The following NUAK2 variants were observed in gnomAD, a reference collection of about 807,000 sequenced individuals.
NUAK2 encodes the protein NUAK family kinase 2, also known as NUAK family SNF1-like kinase 2.
Under a neutral mutation model 29.8 loss-of-function variants are expected in NUAK2, and 20 were observed. That is an observed-to-expected ratio of 0.67 (90% confidence interval 0.47 to 0.98). The LOEUF (loss-of-function observed/expected upper bound fraction) is 0.98. Ranked by LOEUF, NUAK2 falls within the 50% of genes least tolerant of loss-of-function variation. The pLI is 0.00. For missense variants in NUAK2, 719 were observed against 834.5 expected, an observed-to-expected ratio of 0.86 and a Z score of 1.71; for synonymous variants, 331 against 342.6, an observed-to-expected ratio of 0.97 and a Z score of 0.37.
Position 205,303,795 on chromosome 1 carries a change from C to A in NUAK2, c.1542G>T (p.Glu514Asp). The A allele has an allele frequency of 6.3e-7, 1 of 1,582,108 alleles. No individual in the cohort carries two copies. The highest frequency in any genetic ancestry group is 8.6e-7 in the Non-Finnish European group (1 of 1,164,042). Residue 514 changes from glutamate to aspartate, a missense_variant, in exon 7 of 7, where the codon GAG (glutamate) becomes GAT (aspartate). This residue lies in a region of NUAK2 where 430 missense variants were observed against 465.7 expected (regional missense o/e 0.92). Transcript: ENST00000367157. ...AGCCGAAGGTGGTGGGGGCCGCGAG[C>A]TCCAAGGCTGTCTGGGAGAACTTGC... Reference protein sequence around the residue: ...LNGKFSQTALELAAPTTFGSL... With the variant: ...LNGKFSQTALDLAAPTTFGSL...
rs775339532 is a variant in NUAK2 at position 205,303,641 on chromosome 1, G to A, written c.1696C>T (p.Pro566Ser). The change falls in exon 7 of 7, where the codon CCC (proline) becomes TCC (serine). Residue 566 changes from proline to serine, a missense_variant. Pro to Ser is a moderately conservative substitution (Grantham distance 74). Transcript: ENST00000367157. ...ACAGACACACAGCCCCGCAGTGGGG[G>A]CTCTGGGAGCCGTTCAGGCAAGTCC... ...QLDLPERLPEPPLRGCVSVDN... is the reference protein window; with the variant it reads ...QLDLPERLPESPLRGCVSVDN... 7 of 1,589,886 alleles carry A rather than the reference G, an allele frequency of 4.4e-6. No homozygotes were observed. In the South Asian group the frequency reaches 4.5e-5, roughly 10 times the overall value.
In NUAK2 at chr1:205,303,332, C is replaced by T. The variant is rs1052243937; in HGVS notation, c.*118G>A. 4.2e-5 allele frequency: 38 copies of T among 897,676 alleles called. No individual in the cohort carries two copies. Among genetic ancestry groups the T allele is most frequent in the Admixed American group, 2.2e-4 (7 of 31,998 alleles). 55.6% of individuals were successfully genotyped at this position (897,676 alleles called of 1,614,324 possible). On this transcript the variant is annotated 3_prime_UTR_variant, in exon 7 of 7. Transcript: ENST00000367157. Reference sequence around the variant, plus strand: ...CCTGCTCAGGGCTCCACTGCAAACCCTCTCAGCCTTCTGAGCTGGGATGCA... The same window carrying T: ...CCTGCTCAGGGCTCCACTGCAAACCTTCTCAGCCTTCTGAGCTGGGATGCA...
Position 205,304,390 on chromosome 1 carries a change from G to A in NUAK2, c.947C>T (p.Ala316Val), listed in dbSNP as rs1662148041. 3.7e-6 allele frequency: 6 copies of A among 1,608,064 alleles called. No individual in the cohort carries two copies. The highest frequency in any genetic ancestry group is 1.3e-5 in the African/African-American group (1 of 74,974). ...GCCAGGGTGCCCACCCTCATGCGGA[G>A]CCTCCTGCTCTCCCACTCGGGTGGC... is the stretch of plus-strand genomic sequence containing the variant. ...GYATRVGEQE[A>V]PHEGGHPGSD... The change falls in exon 7 of 7, where the codon GCT becomes GTT. Residue 316 changes from alanine (A) to valine (V), a missense_variant. Coordinates refer to ENST00000367157, the MANE Select transcript of NUAK2 (RefSeq NM_030952.3). The surrounding 1 kb of genome is among the most constrained non-coding windows in gnomAD (Gnocchi z 6.5).
At chr1:205,316,825 T>C (rs1284710464) in intron 1 of NUAK2, among the ~76,000 whole-genome samples, 1 of 152,228 alleles carries the variant, frequency 6.6e-6, no homozygotes, top group Non-Finnish European at 1.5e-5. Context: ...TTCTTGCCCC[T>C]GCAGTCCTAA....
rs369941843 is a variant in NUAK2 at position 205,303,528 on chromosome 1, G to A, written c.1809C>T (p.Ser603=). 6 of 1,613,396 alleles carry A rather than the reference G, an allele frequency of 3.7e-6. No individual in the cohort carries two copies. Among genetic ancestry groups the A allele is most frequent in the African/African-American group, 1.3e-5 (1 of 74,934 alleles). Residue 603 remains serine, a synonymous_variant, in exon 7 of 7, where the codon AGC becomes AGT. Transcript: ENST00000367157. ...CCTGGCAGTCTGTCAGGGAAAAGCA[G>A]CTGTCCCCCAAAGGATCCTGCCGCC... ...RRWRQDPLGD[S]CFSLTDCQEV...
rs148494458 is a variant in NUAK2, at chr1:205,308,967, C to G, written c.353-235G>C. ...AAGACACTGGCTCATCCTCTGCCTC[C>G]GTGGAAGTTCAGGCTTTTGGGAATT... On this transcript the variant is annotated intron_variant, in intron 2 of 6. Transcript: ENST00000367157. The surrounding 1 kb of genome is among the most constrained non-coding windows in gnomAD (Gnocchi z 4.1). Among the ~76,000 whole-genome samples, 40 of 152,120 alleles carry G rather than the reference C, an allele frequency of 2.6e-4. No homozygotes were observed. In the East Asian group the frequency reaches 6.2e-3, roughly 24 times the overall value.
At chr1:205,319,799 C>G (rs1662383235) in intron 1 of NUAK2, among the ~76,000 whole-genome samples, 1 of 152,178 alleles carries the variant, frequency 6.6e-6, no homozygotes, top group African/African-American at 2.4e-5. Context: ...ATAATCTACC[C>G]CTTTCTCCAA....
At chr1:205,305,370 C>G (rs1662165582) in intron 5 of NUAK2, 39 bp from the exon 6 acceptor site, 2 of 1,599,146 alleles carry the variant, frequency 1.3e-6, no homozygotes, top group Admixed American at 3.4e-5. Flanking sequence ...ATGCCCATAC[C>G]AGACAGGAAA....
At position 205,319,951 on chromosome 1, in the gene NUAK2, ACC is replaced by A. The variant is rs59448528; in HGVS notation, c.231+1445_231+1446del. On this transcript the variant is annotated intron_variant, in intron 1 of 6. Coordinates refer to ENST00000367157, the MANE Select transcript of NUAK2 (RefSeq NM_030952.3). Reference sequence around the variant, plus strand: ...CACACACACACACACACACACACACACCCCCTCACAACCAGCACCCAACTGGA... The same window carrying A: ...CACACACACACACACACACACACACACCCTCACAACCAGCACCCAACTGGA... 4.4e-3 allele frequency among the ~76,000 whole-genome samples: 663 copies of A among 150,468 alleles called. 4 individuals are homozygous for A. The highest frequency in any genetic ancestry group is 0.013 in the African/African-American group (530 of 41,152).
At chr1:205,313,559 A>G (rs1421344986) in intron 1 of NUAK2, among the ~76,000 whole-genome samples, 1 of 152,190 alleles carries the variant, frequency 6.6e-6, no homozygotes, top group Non-Finnish European at 1.5e-5. Context: ...AAAATCCCAG[A>G]AAATACCAGG....
At position 205,303,579 on chromosome 1, in the gene NUAK2, C is replaced by T. The variant is rs559087408; in HGVS notation, c.1758G>A (p.Glu586=). 2 of 1,613,372 alleles carry T rather than the reference C, an allele frequency of 1.2e-6. No homozygotes were observed. The highest frequency in any genetic ancestry group is 1.7e-5 in the Admixed American group (1 of 59,920). ...NLTGLEEPPS[E]GPGSCLRRWR... Reference sequence around the variant, plus strand: ...AGCGCCTCAGGCAGCTTCCAGGGCCCTCTGAGGGGGGCTCCTCAAGCCCCG... The same window carrying T: ...AGCGCCTCAGGCAGCTTCCAGGGCCTTCTGAGGGGGGCTCCTCAAGCCCCG... The change falls in exon 7 of 7, where the codon GAG becomes GAA. Residue 586 remains glutamate, a synonymous_variant. Coordinates refer to ENST00000367157, the MANE Select transcript of NUAK2 (RefSeq NM_030952.3).
chr1:205,320,496 C>A (rs1231381679), intron 1 of NUAK2, among the ~76,000 whole-genome samples: 1 of 152,144 alleles, frequency 6.6e-6, no homozygotes, highest in Non-Finnish European at 1.5e-5. Context: ...GATCTCCTGA[C>A]CTCACGATCC....
chr1:205,305,061 G>A, intron 6 of NUAK2, 138 bp downstream of exon 6: 1 of 1,068,058 alleles, frequency 9.4e-7, no homozygotes, highest in Non-Finnish European at 1.3e-6. Context: ...TGGACATACG[G>A]TGGAGGGTAC....
Position 205,303,607 on chromosome 1 carries a change from AG to A in NUAK2, c.1729del (p.Leu577SerfsTer16). The A allele has an allele frequency of 6.2e-7, 1 of 1,611,064 alleles. No homozygotes were observed. The highest frequency in any genetic ancestry group is 8.5e-7 in the Non-Finnish European group (1 of 1,179,006). ...TGAGGGGGGCTCCTCAAGCCCCGTG[AG>A]GTTGTCCACAGACACACAGCCCCGC... is the stretch of plus-strand genomic sequence containing the variant. Reference protein sequence around the residue: ...PLRGCVSVDNLTGLEEPPSEG... With the variant: ...PLRGCVSVDNXTGLEEPPSEG... On this transcript the variant is annotated frameshift_variant, in exon 7 of 7. Coordinates refer to ENST00000367157, the MANE Select transcript of NUAK2 (RefSeq NM_030952.3). LOFTEE classifies it low-confidence loss of function (END_TRUNC).
At position 205,308,658 on chromosome 1, in the gene NUAK2, C is replaced by A; in HGVS notation, c.427G>T (p.Glu143Ter). The change falls in exon 3 of 7, where the codon GAG becomes TAG. Residue 143 changes from glutamate to a stop codon, truncating the protein, a stop_gained. Transcript: ENST00000367157. LOFTEE classifies it high-confidence loss of function. This position sits in a 1 kb window ranked among gnomAD's most constrained non-coding sequence, Gnocchi z 4.1. Reference sequence around the variant, plus strand: ...TCGCGCTCACTGAGCTGCTGCCGCTCGCTGATGTAGTCATAAAGGTCGCCC... The same window carrying A: ...TCGCGCTCACTGAGCTGCTGCCGCTAGCTGATGTAGTCATAAAGGTCGCCC... ...SRGDLYDYIS[E>*]RQQLSEREAR... The A allele has an allele frequency of 1.2e-6, 2 of 1,614,062 alleles. No individual in the cohort carries two copies. The highest frequency in any genetic ancestry group is 8.5e-7 in the Non-Finnish European group (1 of 1,180,028).
At chr1:205,317,971 A>C (rs1443625891) in intron 1 of NUAK2, among the ~76,000 whole-genome samples, 1 of 152,130 alleles carries the variant, frequency 6.6e-6, no homozygotes, top group African/African-American at 2.4e-5. Flanking sequence ...GGATAATAAC[A>C]CTGTGTGTGT....
chr1:205,312,644 AT>A (rs1351365728), intron 1 of NUAK2, among the ~76,000 whole-genome samples: 2 of 152,160 alleles, frequency 1.3e-5, no homozygotes, highest in Non-Finnish European at 2.9e-5. Flanking sequence ...TGTACAAAAA[AT>A]TCAAAATCTA....
chr1:205,312,082 C>T (rs936572466), intron 1 of NUAK2, among the ~76,000 whole-genome samples: 4 of 152,208 alleles, frequency 2.6e-5, no homozygotes, highest in Non-Finnish European at 4.4e-5. Flanking sequence ...TCATAGTCTA[C>T]AGATAGACAA....
In NUAK2 at chr1:205,321,607, G is replaced by A. The variant is rs765071245; in HGVS notation, c.22C>T (p.Arg8Trp). 1.2e-5 allele frequency: 19 copies of A among 1,610,986 alleles called. No homozygotes were observed. Among genetic ancestry groups the A allele is most frequent in the Non-Finnish European group, 1.6e-5 (19 of 1,179,626 alleles). Residue 8 changes from arginine to tryptophan, a missense_variant, in exon 1 of 7, where the codon CGG becomes TGG. By Grantham distance (101) the Arg-to-Trp change is moderately radical (BLOSUM62 -3). Coordinates refer to ENST00000367157, the MANE Select transcript of NUAK2 (RefSeq NM_030952.3). Reference protein sequence around the residue: MESLVFARRSGPTPSAAE... With the variant: MESLVFAWRSGPTPSAAE... ...GCCGAGGGAGTGGGGCCGGAGCGCCGCGCGAAAACCAGCGACTCCATGGCG... is the reference window on the plus strand; with the variant it reads ...GCCGAGGGAGTGGGGCCGGAGCGCCACGCGAAAACCAGCGACTCCATGGCG...
Sources: gnomAD v4.1 joint callset for allele counts (sites outside exome capture counted in the v4.1 genomes callset) on GRCh38, gnomAD v4.1.1 for gene constraint, gnomAD v4.1.1 regional missense constraint, Gnocchi (gnomAD v3.1) non-coding constraint, MANE v1.5 for transcripts, NCBI Gene and HGNC (gene_info 2026-07-23, HGNC 2026-07-21) for gene names.